The following ARMCX4 variants were observed in gnomAD, a reference collection of about 807,000 sequenced individuals.
ARMCX4 encodes the protein armadillo repeat containing X-linked 4, also known as armadillo repeat-containing X-linked protein 4.
ARMCX4 carries 3 observed loss-of-function variants against 34.7 expected under a neutral mutation model. The ratio of observed to expected loss-of-function variants is 0.09; its 90% CI spans 0.04 to 0.22. ARMCX4 has a LOEUF of 0.22. Ranked by LOEUF, ARMCX4 falls within the 10% of genes least tolerant of loss-of-function variation. The pLI is 1.00. For missense variants in ARMCX4, 1,448 were observed against 1,720.8 expected, an observed-to-expected ratio of 0.84 and a Z score of 2.81; for synonymous variants, 513 against 632.8, an observed-to-expected ratio of 0.81 and a Z score of 2.84.
At chrX:101,502,699 C>A (rs1934328364) in intron 7 of ARMCX4, among the ~76,000 whole-genome samples, 2 of 111,497 alleles carry the variant, frequency 1.8e-5, no homozygotes, top group Admixed American at 1.9e-4. Flanking sequence ...CTATGTGACA[C>A]AGGCATTCAA....
chrX:101,487,646 G>C lies in ARMCX4; in HGVS notation c.-248G>C. 1 of 968,621 alleles carries C rather than the reference G, an allele frequency of 1.0e-6. No individual in the cohort carries two copies. The highest frequency in any genetic ancestry group is 1.3e-6 in the Non-Finnish European group (1 of 753,233). 79.8% of individuals were successfully genotyped at this position (968,621 alleles called of 1,213,427 possible). A position where few individuals can be genotyped will look rare whatever the true frequency, so the allele number is the denominator to read the frequency against. On this transcript the variant is annotated 5_prime_UTR_variant, in exon 4 of 6. Coordinates refer to ENST00000423738, the MANE Select transcript of ARMCX4 (RefSeq NM_001256155.3). ...TCTGCTGCAGGGCTTAAGATCACTG[G>C]AAGCAAAGAAACAAAGAGGAGATTG...
intron 4 of ARMCX4, among the ~76,000 whole-genome samples, chrX:101,462,856 A>T (rs1556001416): frequency 9.0e-6 from 1 of 111,393 alleles, no homozygotes; most frequent in Non-Finnish European, 1.9e-5. Context: ...ACACTCACAC[A>T]TGCAGCTTTC....
At position 101,433,719 on chromosome X, in the gene ARMCX4, T is replaced by A. The variant is rs1441220675; in HGVS notation, n.165-10333T>A. On this transcript the variant is annotated intron_variant and non_coding_transcript_variant, in intron 2 of 3. Coordinates refer to the ARMCX4 transcript ENST00000430461. Reference sequence around the variant, plus strand: ...TGATAAATGACGTAGTGTGGAGAAGTATCGATTGAGTACAGAAAACAGGAC... The same window carrying A: ...TGATAAATGACGTAGTGTGGAGAAGAATCGATTGAGTACAGAAAACAGGAC... Among the ~76,000 whole-genome samples the A allele has an allele frequency of 5.4e-5, 6 of 110,780 alleles. No individual in the cohort carries two copies. In the Admixed American group the frequency reaches 5.8e-4, roughly 11 times the overall value.
In ARMCX4 at chrX:101,430,065, C is replaced by G. The variant is rs782565229; in HGVS notation, n.164+11065C>G. 3.6e-5 allele frequency among the ~76,000 whole-genome samples: 4 copies of G among 111,574 alleles called. No individual in the cohort carries two copies. In the South Asian group the frequency reaches 1.5e-3, roughly 42 times the overall value. Reference sequence around the variant, plus strand: ...GATAGGTCTGGCACTGACAAATGTTCTATATCTTTCCTTGAGCAGATGTAA... The same window carrying G: ...GATAGGTCTGGCACTGACAAATGTTGTATATCTTTCCTTGAGCAGATGTAA... On this transcript the variant is annotated intron_variant and non_coding_transcript_variant, in intron 2 of 3. Coordinates refer to the ARMCX4 transcript ENST00000430461.
intron 4 of ARMCX4, among the ~76,000 whole-genome samples, chrX:101,457,753 C>T (rs1254459006): frequency 9.1e-6 from 1 of 110,342 alleles, no homozygotes. Flanking sequence ...CCCAAACCCC[C>T]CTTTTTTTAG....
intron 11 of ARMCX4, among the ~76,000 whole-genome samples, chrX:101,525,424 C>T (rs963159954): frequency 8.9e-6 from 1 of 111,749 alleles, no homozygotes; most frequent in African/African-American, 3.3e-5. Flanking sequence ...TCCAAAGGAT[C>T]GCAGCTCCTC....
chrX:101,491,385 C>A lies in ARMCX4; in HGVS notation c.2796C>A (p.Ser932=). The change falls in exon 6 of 6, where the codon TCC becomes TCA. Residue 932 remains serine, a synonymous_variant. Coordinates refer to ENST00000423738, the MANE Select transcript of ARMCX4 (RefSeq NM_001256155.3). ...CCAGGAATAAGGTCAAGGGCAATTC[C>A]AATGCTATTTCTAAGGCAGAGGCTG... ...PGARNKVKGN[S]NAISKAEAGA... is the part of the protein sequence containing the mutation. 1 of 1,156,126 alleles carries A rather than the reference C, an allele frequency of 8.6e-7. No individual in the cohort carries two copies. Among genetic ancestry groups the A allele is most frequent in the Non-Finnish European group, 1.1e-6 (1 of 873,000 alleles).
intron 11 of ARMCX4, among the ~76,000 whole-genome samples, chrX:101,512,178 T>A (rs781834920): frequency 9.0e-6 from 1 of 110,852 alleles, no homozygotes; most frequent in Non-Finnish European, 1.9e-5. Flanking sequence ...GGTCAGGAGT[T>A]TGAGACCAGC....
chrX:101,474,332 A>G (rs1451646670), intron 4 of ARMCX4, among the ~76,000 whole-genome samples: 1 of 106,524 alleles, frequency 9.4e-6, no homozygotes, highest in Non-Finnish European at 1.9e-5. Flanking sequence ...TTACCAACCA[A>G]AAAGAGTCCA....
chrX:101,535,619 C>T (rs1237847920), downstream of ARMCX4, among the ~76,000 whole-genome samples: 141 of 111,204 alleles, frequency 1.3e-3, 5 homozygotes, highest in Admixed American at 0.014. Flanking sequence ...GAGTACACAG[C>T]TAGAAACTTT....
At chrX:101,482,109 C>T (rs1933476462), upstream of ARMCX4, among the ~76,000 whole-genome samples, 1 of 110,455 alleles carries the variant, frequency 9.1e-6, no homozygotes, top group Non-Finnish European at 1.9e-5. Context: ...TGGTGCGCAC[C>T]TGTAATCCCA....
At position 101,492,302 on chromosome X, in the gene ARMCX4, C is replaced by T. The variant is rs782576123; in HGVS notation, c.3713C>T (p.Ala1238Val). The stretch of plus-strand genomic sequence containing the variant: ...CAGGCCATTGGAGAGCTTTGGGCTG[C>T]GGGTCAGGCCAGTGATGGGTCCTGG... ...GNQAIGELWAAGQASDGSWPG... is the reference protein window; with the variant it reads ...GNQAIGELWAVGQASDGSWPG... Residue 1238 changes from alanine to valine, a missense_variant, in exon 6 of 6, where the codon GCG becomes GTG. By Grantham distance (64) the Ala-to-Val change is moderately conservative. Transcript: ENST00000423738. 27 of 1,132,008 alleles carry T rather than the reference C, an allele frequency of 2.4e-5. No individual in the cohort carries two copies. Among genetic ancestry groups the T allele is most frequent in the East Asian group, 6.7e-5 (2 of 30,031 alleles). 93.3% of individuals were successfully genotyped at this position (1,132,008 alleles called of 1,213,427 possible).
chrX:101,516,840 C>T (rs781972234), intron 11 of ARMCX4: 5 of 111,444 alleles, frequency 4.5e-5, no homozygotes, highest in African/African-American at 9.8e-5. Flanking sequence ...CCTAAAAAAT[C>T]GCCAGCAAGC....
intron 11 of ARMCX4, among the ~76,000 whole-genome samples, chrX:101,511,483 C>T (rs1934579827): frequency 9.0e-6 from 1 of 111,064 alleles, no homozygotes. Context: ...ATTTTACTCT[C>T]AGCTTCCTTT....
In ARMCX4 at chrX:101,492,144, G is replaced by A; in HGVS notation, c.3555G>A (p.Glu1185=). Residue 1185 remains glutamate, a synonymous_variant, in exon 6 of 6, where the codon GAG becomes GAA. Transcript: ENST00000423738. The part of the protein sequence containing the change: ...VGIGTWARAG[E]QASGGLWAGG... ...TTGGGACTTGGGCTAGAGCTGGGGA[G>A]CAGGCCAGTGGAGGGCTCTGGGCTG... 1 of 1,152,699 alleles carries A rather than the reference G, an allele frequency of 8.7e-7. No homozygotes were observed. Among genetic ancestry groups the A allele is most frequent in the Non-Finnish European group, 1.1e-6 (1 of 871,392 alleles). The allele number at this position is 1,152,699 out of a possible 1,213,427, so 95.0% of individuals were successfully genotyped here.
intron 11 of ARMCX4, among the ~76,000 whole-genome samples, chrX:101,526,232 T>G (rs1269174602): frequency 9.0e-6 from 1 of 111,721 alleles, no homozygotes; most frequent in Non-Finnish European, 1.9e-5. Flanking sequence ...CCAGCCAAAC[T>G]AAGCTTCGTA....
chrX:101,521,949 T>G (rs1556019202), intron 11 of ARMCX4, among the ~76,000 whole-genome samples: 1 of 111,704 alleles, frequency 9.0e-6, no homozygotes, highest in Non-Finnish European at 1.9e-5. Context: ...ATGTTCCATG[T>G]GTCCTTGAGA....
intron 11 of ARMCX4, among the ~76,000 whole-genome samples, chrX:101,522,634 A>C (rs1479041857): frequency 9.0e-6 from 1 of 111,537 alleles, no homozygotes; most frequent in African/African-American, 3.3e-5. Context: ...TTCCTTTGCC[A>C]TTCCATTTAC....
intron 11 of ARMCX4, among the ~76,000 whole-genome samples, chrX:101,514,341 T>C (rs1376352929): frequency 1.8e-5 from 2 of 111,614 alleles, no homozygotes; most frequent in Non-Finnish European, 3.8e-5. Flanking sequence ...ATATATTGGA[T>C]TGCTGATGTA....
Sources: gnomAD v4.1 joint callset for allele counts (sites outside exome capture counted in the v4.1 genomes callset) on GRCh38, gnomAD v4.1.1 for gene constraint, MANE v1.5 for transcripts, NCBI Gene and HGNC (gene_info 2026-07-23, HGNC 2026-07-21) for gene names.